Variants in ST18 observed in about 807,000 individuals in gnomAD.
The protein encoded by ST18 is ST18 C2H2C-type zinc finger transcription factor, also known as suppression of tumorigenicity 18 protein.
ST18 carries 50 observed loss-of-function variants against 110.0 expected under a neutral mutation model. The ratio of observed to expected loss-of-function variants is 0.45; its 90% confidence interval spans 0.36 to 0.58. The LOEUF (loss-of-function observed/expected upper bound fraction) is 0.58. Among genes scored for constraint, ST18 ranks in the 20% least tolerant of loss-of-function variants. The probability of loss-of-function intolerance (pLI) is 0.00; values close to 1 mark genes in which losing one functional copy is unlikely to be tolerated. For synonymous variants in ST18, 461 were observed against 452.4 expected, an observed-to-expected ratio of 1.02 and a Z score of -0.24; for missense variants, 1,306 against 1,280.1, an observed-to-expected ratio of 1.02 and a Z score of -0.31.
intron 8 of ST18, among the ~76,000 whole-genome samples, chr8:52,210,337 T>C (rs1014327781): frequency 6.6e-6 from 1 of 152,188 alleles, no homozygotes; most frequent in East Asian, 1.9e-4. Flanking sequence ...GTATACTATA[T>C]GTCCTGTTCT....
At chr8:52,229,120 T>C (rs976960607) in intron 3 of ST18, among the ~76,000 whole-genome samples, 4 of 152,322 alleles carry the variant, frequency 2.6e-5, no homozygotes, top group South Asian at 2.1e-4. Context: ...GAACATTTTC[T>C]CTTCATTCAA....
At chr8:52,339,896 G>C (rs1814069351) in intron 2 of ST18, among the ~76,000 whole-genome samples, 2 of 152,208 alleles carry the variant, frequency 1.3e-5, no homozygotes, top group East Asian at 1.9e-4. Context: ...CTCACCCTTT[G>C]ATATTGGCAT....
intron 8 of ST18, among the ~76,000 whole-genome samples, chr8:52,196,817 C>A (rs1002198615): frequency 6.6e-6 from 1 of 152,150 alleles, no homozygotes; most frequent in Non-Finnish European, 1.5e-5. Context: ...AGGAAGCCAA[C>A]TGTCACTCAT....
chr8:52,215,912 G>A (rs1264284375), intron 6 of ST18, among the ~76,000 whole-genome samples: 1 of 152,294 alleles, frequency 6.6e-6, no homozygotes, highest in East Asian at 1.9e-4. Flanking sequence ...TGAATAACTA[G>A]ATTATGAGAG....
chr8:52,232,600 C>T (rs1229759063), intron 2 of ST18, among the ~76,000 whole-genome samples: 1 of 151,944 alleles, frequency 6.6e-6, no homozygotes, highest in Non-Finnish European at 1.5e-5. Context: ...TTTTGAAGAA[C>T]GTATTATCCT....
intron 21 of ST18, among the ~76,000 whole-genome samples, chr8:52,132,455 T>C (rs1332466963): frequency 2.0e-5 from 3 of 152,224 alleles, no homozygotes; most frequent in African/African-American, 7.2e-5. Context: ...GCCCATTTTA[T>C]AAGAAGTGGA....
At chr8:52,171,308 C>T (rs1587672807) in intron 10 of ST18, among the ~76,000 whole-genome samples, 2 of 152,304 alleles carry the variant, frequency 1.3e-5, no homozygotes, top group East Asian at 3.9e-4. Flanking sequence ...GATGTATGAG[C>T]CCCGAGTTAG....
rs781142750 is a variant in ST18, at chr8:52,166,955, C to G, written c.1101G>C (p.Lys367Asn). ...HSPRPEKRET[K>N]CPIPGCDGTG... is the part of the protein sequence containing the mutation. ...TGCCATCACATCCAGGGATCGGGCA[C>G]TTGGTCTCCCTCTTTTCAGGCCTTG... Residue 367 changes from lysine to asparagine, a missense_variant, in exon 11 of 26, where the codon AAG becomes AAC. By Grantham distance (94) the Lys-to-Asn change is moderately conservative. Coordinates refer to ENST00000689386, the MANE Select transcript of ST18 (RefSeq NM_001352837.2). 2.5e-6 allele frequency: 4 copies of G among 1,611,972 alleles called. No individual in the cohort carries two copies. Among genetic ancestry groups the G allele is most frequent in the Non-Finnish European group, 3.4e-6 (4 of 1,178,356 alleles).
chr8:52,338,852 C>T (rs2140168031), intron 2 of ST18, among the ~76,000 whole-genome samples: 1 of 152,208 alleles, frequency 6.6e-6, no homozygotes, highest in South Asian at 2.1e-4. Flanking sequence ...ATCCTCCTAC[C>T]TCAGTCTCCT....
intron 8 of ST18, among the ~76,000 whole-genome samples, chr8:52,197,548 A>G (rs1454487013): frequency 1.3e-5 from 2 of 152,210 alleles, no homozygotes; most frequent in Non-Finnish European, 2.9e-5. Context: ...GCTTTAAGTG[A>G]AGACCAGGAA....
intron 2 of ST18, among the ~76,000 whole-genome samples, chr8:52,369,453 G>A (rs1829434982): frequency 6.6e-6 from 1 of 152,174 alleles, no homozygotes; most frequent in Non-Finnish European, 1.5e-5. Flanking sequence ...GTTGATGAGG[G>A]CAAAACCCTT....
chr8:52,236,204 A>G (rs981453628), intron 2 of ST18, among the ~76,000 whole-genome samples: 4 of 152,216 alleles, frequency 2.6e-5, no homozygotes, highest in Admixed American at 6.5e-5. Flanking sequence ...CGGACTAGAC[A>G]TTGCATAGTT....
At position 52,409,469 on chromosome 8, in the gene ST18, AT is replaced by A. The variant is rs1243970673; in HGVS notation, c.-589-18del. ...TATTATTTTCTAAAGAAGAAAAAAA[AT>A]ATGATGTGAAAATTATCATAAGAAA... On this transcript the variant is annotated intron_variant, in intron 1 of 25. Coordinates refer to ENST00000689386, the MANE Select transcript of ST18 (RefSeq NM_001352837.2). The A allele has an allele frequency of 4.6e-5, 7 of 152,220 alleles. No homozygotes were observed. The highest frequency in any genetic ancestry group is 4.1e-4 in the South Asian group (2 of 4,832). The allele number at this position is 152,220 out of a possible 1,614,324, so 9.4% of individuals were successfully genotyped here.
At chr8:52,247,498 C>A (rs2138055431) in intron 2 of ST18, among the ~76,000 whole-genome samples, 1 of 152,292 alleles carries the variant, frequency 6.6e-6, no homozygotes, top group Middle Eastern at 3.4e-3. Flanking sequence ...TTTGCACACC[C>A]TTTGCTGTAC....
At chr8:52,301,183 T>C (rs1337752353) in intron 2 of ST18, among the ~76,000 whole-genome samples, 1 of 152,218 alleles carries the variant, frequency 6.6e-6, no homozygotes, top group Non-Finnish European at 1.5e-5. Context: ...CGAGCAGGTT[T>C]CTTCAAATCA....
At chr8:52,185,196 A>G (rs1472884726) in intron 8 of ST18, among the ~76,000 whole-genome samples, 2 of 152,180 alleles carry the variant, frequency 1.3e-5, no homozygotes, top group Non-Finnish European at 2.9e-5. Flanking sequence ...AATAGCATAG[A>G]AATATGAAAT....
At chr8:52,353,145 A>T (rs1052541440) in intron 2 of ST18, among the ~76,000 whole-genome samples, 17 of 152,246 alleles carry the variant, frequency 1.1e-4, no homozygotes, top group Admixed American at 3.9e-4. Flanking sequence ...GTATCCAAAG[A>T]TAGAGTTATG....
chr8:52,388,239 G>A (rs1394648545), intron 2 of ST18, among the ~76,000 whole-genome samples: 2 of 152,082 alleles, frequency 1.3e-5, no homozygotes, highest in African/African-American at 2.4e-5. Context: ...GCACCCGGCT[G>A]AGCAGGACCC....
intron 2 of ST18, among the ~76,000 whole-genome samples, chr8:52,325,358 GT>G (rs1805834005): frequency 6.6e-6 from 1 of 152,174 alleles, no homozygotes. Flanking sequence ...AAAGGAATTA[GT>G]TTATTATTCT....
Sources: allele counts gnomAD v4.1 joint callset (sites outside exome capture counted in the v4.1 genomes callset), GRCh38; gene constraint gnomAD v4.1.1; transcripts MANE v1.5; gene names NCBI Gene and HGNC (gene_info 2026-07-23, HGNC 2026-07-21).